EPHA1: variants seen among roughly 807,000 people sequenced by gnomAD.
EPHA1 encodes the protein EPH receptor A1.
Under a neutral mutation model 110.1 loss-of-function variants are expected in EPHA1, and 92 were observed. That is an observed-to-expected ratio of 0.84 (90% CI 0.71 to 0.99). EPHA1 has a LOEUF of 0.99. EPHA1 is among the 50% of genes least tolerant of loss of function. The pLI is 0.00. For synonymous variants in EPHA1, 500 were observed against 516.1 expected, an observed-to-expected ratio of 0.97 and a Z score of 0.42; for missense variants, 1,204 against 1,285.4, an observed-to-expected ratio of 0.94 and a Z score of 0.97.
chr7:143,401,814 C>T lies in EPHA1; in HGVS notation c.151-209G>A, dbSNP rs1805429056. 6.6e-6 allele frequency among the ~76,000 whole-genome samples: 1 copy of T among 152,182 alleles called. No individual in the cohort carries two copies. The highest frequency in any genetic ancestry group is 2.4e-5 in the African/African-American group (1 of 41,432). On this transcript the variant is annotated intron_variant, in intron 2 of 17. Transcript: ENST00000275815. This position sits in a 1 kb window ranked among gnomAD's most constrained non-coding sequence, Gnocchi z 4.1. ...ATATAAGATGGGCAAGACAATAGTC[C>T]CTTAACATCCCTAGTTGATCCTGGT... is the stretch of plus-strand genomic sequence containing the variant.
At position 143,407,603 on chromosome 7, in the gene EPHA1, A is replaced by G. The variant is rs1452672140; in HGVS notation, c.150+8T>C. 1 of 1,611,964 alleles carries G rather than the reference A, an allele frequency of 6.2e-7. No individual in the cohort carries two copies. Among genetic ancestry groups the G allele is most frequent in the East Asian group, 2.2e-5 (1 of 44,680 alleles). On this transcript the variant is annotated splice_region_variant and intron_variant, in intron 2 of 17. Transcript: ENST00000275815. ...TTTTCCAAGATCCTTCCCTCTTCCG[A>G]CACTTACCCCATCTTTTGGGGGATC...
chr7:143,407,499 A>G, intron 2 of EPHA1, 112 bp downstream of exon 2: 1 of 952,686 alleles, frequency 1.0e-6, no homozygotes, highest in South Asian at 1.5e-5. Context: ...CTCCCTGAGG[A>G]GACACTTCCA....
rs1215477267 is a variant in EPHA1 at position 143,408,819 on chromosome 7, G to C, written c.-14C>G. 4 of 1,211,250 alleles carry C rather than the reference G, an allele frequency of 3.3e-6. No homozygotes were observed. In the Admixed American group the frequency reaches 1.3e-4, roughly 40 times the overall value. 75.0% of individuals were successfully genotyped at this position (1,211,250 alleles called of 1,614,324 possible). A position where few individuals can be genotyped will look rare whatever the true frequency, so the allele number is the denominator to read the frequency against. ...GCGCCGCTCCATAGCTCCGGGCCGG[G>C]ACCTGGGACAGTGGCCCGGATGGCA... On this transcript the variant is annotated 5_prime_UTR_variant, in exon 1 of 18. Coordinates refer to ENST00000275815, the MANE Select transcript of EPHA1 (RefSeq NM_005232.5).
In EPHA1 at chr7:143,401,274, G is replaced by A; in HGVS notation, c.432+50C>T. On this transcript the variant is annotated intron_variant, in intron 3 of 17. Coordinates refer to ENST00000275815, the MANE Select transcript of EPHA1 (RefSeq NM_005232.5). This position sits in a 1 kb window ranked among gnomAD's most constrained non-coding sequence, Gnocchi z 4.1. ...AACCTTCTCTGGCACCCAATAAGGA[G>A]CCACCAGGGATCTGCACCAGGACCC... 1 of 1,589,456 alleles carries A rather than the reference G, an allele frequency of 6.3e-7. No individual in the cohort carries two copies. The highest frequency in any genetic ancestry group is 8.6e-7 in the Non-Finnish European group (1 of 1,167,714).
rs541812228 is a variant in EPHA1 at position 143,391,726 on chromosome 7, G to A, written c.2746C>T (p.Arg916Ter). The part of the protein sequence containing the change: ...SLSGSDGIPY[R>*]TVSEWLESIR... ...GACTCGAGCCACTCAGAGACGGTTC[G>A]ATATGGGATCCCATCTGAGCCACTC... The change falls in exon 17 of 18, where the codon CGA becomes TGA. Residue 916 changes from arginine to a stop codon, truncating the protein, a stop_gained. Coordinates refer to ENST00000275815, the MANE Select transcript of EPHA1 (RefSeq NM_005232.5). LOFTEE classifies it high-confidence loss of function. The A allele has an allele frequency of 1.7e-5, 27 of 1,613,848 alleles. No homozygotes were observed. The East Asian group carries it at 1.8e-4, about 11-fold the overall frequency.
intron 16 of EPHA1, among the ~76,000 whole-genome samples, chr7:143,392,002 G>A (rs1805101084): frequency 1.3e-5 from 2 of 152,226 alleles, no homozygotes; most frequent in Admixed American, 1.3e-4. Context: ...AGGCCTATAG[G>A]AAGGGACTGT....
chr7:143,401,676 A>T lies in EPHA1; in HGVS notation c.151-71T>A. On this transcript the variant is annotated intron_variant, in intron 2 of 17. Transcript: ENST00000275815. This position sits in a 1 kb window ranked among gnomAD's most constrained non-coding sequence, Gnocchi z 4.1. ...CCCAAACCCTTGGTTTTTAGAGCTGATGGAGAAGCAGCTGTGTCAGAGCCC... is the reference window on the plus strand; with the variant it reads ...CCCAAACCCTTGGTTTTTAGAGCTGTTGGAGAAGCAGCTGTGTCAGAGCCC... The T allele has an allele frequency of 6.5e-7, 1 of 1,543,546 alleles. No homozygotes were observed. Among genetic ancestry groups the T allele is most frequent in the Non-Finnish European group, 8.8e-7 (1 of 1,135,108 alleles).
Position 143,406,155 on chromosome 7 carries a change from T to C in EPHA1, c.150+1456A>G, listed in dbSNP as rs143392022. 8.5e-5 allele frequency among the ~76,000 whole-genome samples: 13 copies of C among 152,228 alleles called. 1 individual carries two copies. Among genetic ancestry groups the C allele is most frequent in the Non-Finnish European group, 1.8e-4 (12 of 68,010 alleles). ...TGACTGCCGGGGATGGGAACTAGACTGGGGTGGGGGAGGCCTGGGTGGCAG... is the reference window on the plus strand; with the variant it reads ...TGACTGCCGGGGATGGGAACTAGACCGGGGTGGGGGAGGCCTGGGTGGCAG... On this transcript the variant is annotated intron_variant, in intron 2 of 17. Coordinates refer to ENST00000275815, the MANE Select transcript of EPHA1 (RefSeq NM_005232.5).
At chr7:143,406,766 C>A (rs147967727) in intron 2 of EPHA1, among the ~76,000 whole-genome samples, 1 of 152,194 alleles carries the variant, frequency 6.6e-6, no homozygotes, top group South Asian at 2.1e-4. Flanking sequence ...AATCCCTACA[C>A]GCATTTTGGT....
At chr7:143,399,215 A>G in intron 5 of EPHA1, 43 bp downstream of exon 5, 4 of 1,588,374 alleles carry the variant, frequency 2.5e-6, no homozygotes, top group Non-Finnish European at 3.4e-6. Flanking sequence ...GCAAAGATCC[A>G]GCCCCTCCCT....
chr7:143,398,243 A>C, intron 7 of EPHA1, 78 bp downstream of exon 7: 2 of 1,597,484 alleles, frequency 1.3e-6, no homozygotes, highest in Non-Finnish European at 1.7e-6. Flanking sequence ...GATTCCTCCC[A>C]ACCCACACCC....
At chr7:143,392,520 C>T (rs1263930196) in intron 16 of EPHA1, among the ~76,000 whole-genome samples, 1 of 152,192 alleles carries the variant, frequency 6.6e-6, no homozygotes, top group Non-Finnish European at 1.5e-5. Flanking sequence ...ACTTGAAGAA[C>T]AGCCTTGCCT....
rs747457918 is a variant in EPHA1, at chr7:143,391,681, T to G, written c.2791A>C (p.Ile931Leu). The change falls in exon 17 of 18, where the codon ATC (isoleucine) becomes CTC (leucine). Residue 931 changes from isoleucine (I) to leucine (L), a missense_variant. By Grantham distance (5) the Ile-to-Leu change is conservative. Transcript: ENST00000275815. ...AGCCCAGCCGAGTGGAAGTGCAGGA[T>G]GTAGCGTTTCATGCGTATGGACTCG... The part of the protein sequence containing the change: ...WLESIRMKRY[I>L]LHFHSAGLDT... 5 of 1,614,014 alleles carry G rather than the reference T, an allele frequency of 3.1e-6. No individual in the cohort carries two copies. The East Asian group carries it at 1.1e-4, about 36-fold the overall frequency.
rs1805198622 is a variant in EPHA1 at position 143,394,806 on chromosome 7, A to G, written c.2352+2T>C. The G allele has an allele frequency of 1.2e-6, 2 of 1,613,876 alleles. No individual in the cohort carries two copies. Among genetic ancestry groups the G allele is most frequent in the Non-Finnish European group, 1.7e-6 (2 of 1,180,008 alleles). The stretch of plus-strand genomic sequence containing the variant: ...TGCACTGGGTTTGTACCGGCCTCTA[A>G]CCTGGGTTTCGTATGTGCCATCAAA... On this transcript the variant is annotated splice_donor_variant, in intron 14 of 17. Transcript: ENST00000275815. LOFTEE classifies it high-confidence loss of function.
chr7:143,395,304 G>A lies in EPHA1; in HGVS notation c.2083+15C>T. ...GCATTTCCCGCCCCCAGCTGAGGGA[G>A]ACCACTCATCGTACGCTTTGTGACG... On this transcript the variant is annotated intron_variant, in intron 12 of 17. Transcript: ENST00000275815. The surrounding 1 kb of genome is among the most constrained non-coding windows in gnomAD (Gnocchi z 4.7). 2.5e-6 allele frequency: 4 copies of A among 1,614,116 alleles called. No homozygotes were observed. Among genetic ancestry groups the A allele is most frequent in the Non-Finnish European group, 3.4e-6 (4 of 1,180,012 alleles).
At position 143,391,704 on chromosome 7, in the gene EPHA1, T is replaced by C. The variant is rs1554446949; in HGVS notation, c.2768A>G (p.Glu923Gly). ...IPYRTVSEWL[E>G]SIRMKRYILH... ...GATGTAGCGTTTCATGCGTATGGAC[T>C]CGAGCCACTCAGAGACGGTTCGATA... The change falls in exon 17 of 18, where the codon GAG (glutamate) becomes GGG (glycine). Residue 923 changes from glutamate (E) to glycine (G), a missense_variant. By Grantham distance (98) the Glu-to-Gly change is moderately conservative. Transcript: ENST00000275815. The C allele has an allele frequency of 6.2e-7, 1 of 1,613,750 alleles. No homozygotes were observed.
Position 143,395,497 on chromosome 7 carries a change from A to G in EPHA1, c.1905T>C (p.Phe635=). Residue 635 remains phenylalanine, a synonymous_variant, in exon 12 of 18, where the codon TTT becomes TTC. Transcript: ENST00000275815. This position sits in a 1 kb window ranked among gnomAD's most constrained non-coding sequence, Gnocchi z 4.7. ...TCAGGGTCCCTCGATACACTTCCCC[A>G]AACTCTCCTGGGTAGAAAGAAAACA... ...MVDTVIGEGE[F]GEVYRGTLRL... is the part of the protein sequence containing the mutation. 6.2e-7 allele frequency: 1 copy of G among 1,614,060 alleles called. No individual in the cohort carries two copies. Among genetic ancestry groups the G allele is most frequent in the Non-Finnish European group, 8.5e-7 (1 of 1,179,994 alleles).
At position 143,397,314 on chromosome 7, in the gene EPHA1, A is replaced by T. The variant is rs1172447950; in HGVS notation, c.1761T>A (p.Asp587Glu). ...GTGCACCCGACTCACCTCGATCCAC[A>T]TCGGTGGCGCGGTCACGCTGCCTCT... ...RQQRQRDRAT[D>E]VDREDKLWLK... Residue 587 changes from aspartate (D) to glutamate (E), a missense_variant, in exon 10 of 18, where the codon GAT becomes GAA. By Grantham distance (45) the Asp-to-Glu change is conservative. Transcript: ENST00000275815. 1.3e-6 allele frequency: 2 copies of T among 1,549,684 alleles called. No homozygotes were observed. The highest frequency in any genetic ancestry group is 1.7e-6 in the Non-Finnish European group (2 of 1,146,776).
chr7:143,395,288 G>T lies in EPHA1; in HGVS notation c.2083+31C>A. The T allele has an allele frequency of 6.2e-7, 1 of 1,613,484 alleles. No individual in the cohort carries two copies. The highest frequency in any genetic ancestry group is 8.5e-7 in the Non-Finnish European group (1 of 1,179,792). On this transcript the variant is annotated intron_variant, in intron 12 of 17. Coordinates refer to ENST00000275815, the MANE Select transcript of EPHA1 (RefSeq NM_005232.5). This position sits in a 1 kb window ranked among gnomAD's most constrained non-coding sequence, Gnocchi z 4.7. The stretch of plus-strand genomic sequence containing the variant: ...TTCACCCCTCTTTCCTGCATTTCCC[G>T]CCCCCAGCTGAGGGAGACCACTCAT...
Sources: allele counts gnomAD v4.1 joint callset (sites outside exome capture counted in the v4.1 genomes callset), GRCh38; gene constraint gnomAD v4.1.1; non-coding constraint Gnocchi (gnomAD v3.1); transcripts MANE v1.5; gene names NCBI Gene and HGNC (gene_info 2026-07-23, HGNC 2026-07-21).